Variants in SPDL1 observed in about 807,000 individuals in gnomAD.
The protein encoded by SPDL1 is spindle apparatus coiled-coil protein 1, also known as protein Spindly.
A neutral mutation model predicts 79.5 loss-of-function variants in SPDL1; 85 were observed. The ratio of observed to expected loss-of-function variants is 1.07; its 90% CI spans 0.90 to 1.28. The LOEUF is 1.28. SPDL1 is among the 50% of genes most tolerant of loss of function. The pLI is 0.00. For missense variants in SPDL1, 703 were observed against 697.8 expected, an observed-to-expected ratio of 1.01 and a Z score of -0.08; for synonymous variants, 269 against 240.3, an observed-to-expected ratio of 1.12 and a Z score of -1.10.
intron 3 of SPDL1, among the ~76,000 whole-genome samples, chr5:169,593,048 C>T (rs1035823167): frequency 6.6e-6 from 1 of 152,250 alleles, no homozygotes; most frequent in South Asian, 2.1e-4. Context: ...AGCCTTCTGA[C>T]CAGGTTGCTT....
intron 3 of SPDL1, 67 bp downstream of exon 3, chr5:169,591,291 T>C: frequency 6.6e-7 from 1 of 1,512,916 alleles, no homozygotes; most frequent in Non-Finnish European, 8.9e-7. Flanking sequence ...AAACTTTAGA[T>C]GATAAAGATT....
At chr5:169,593,250 A>G in intron 3 of SPDL1, 104 bp from the exon 4 acceptor site, 1 of 1,010,178 alleles carries the variant, frequency 9.9e-7, no homozygotes, top group South Asian at 1.8e-5. Context: ...AGGAAACTCC[A>G]ATAGTATCAT....
In SPDL1 at chr5:169,583,775, T is replaced by G. The variant is rs1754826410; in HGVS notation, c.-138T>G. On this transcript the variant is annotated 5_prime_UTR_variant, in exon 1 of 12. Transcript: ENST00000265295. ...GCATTCAAATATCCCAGGCGCTTAC[T>G]CGAGAGCTAGCTGAGCGAATGGGCC... 1 of 152,258 alleles carries G rather than the reference T, an allele frequency of 6.6e-6. No homozygotes were observed. The highest frequency in any genetic ancestry group is 2.4e-5 in the African/African-American group (1 of 41,468). The allele number at this position is 152,258 out of a possible 1,614,324, so 9.4% of individuals were successfully genotyped here.
chr5:169,596,064 A>G (rs1365990268), intron 7 of SPDL1: 1 of 152,470 alleles, frequency 6.6e-6, no homozygotes, highest in Non-Finnish European at 1.5e-5. Flanking sequence ...AAATTAAAAC[A>G]TGGTATATTG....
intron 3 of SPDL1, among the ~76,000 whole-genome samples, chr5:169,591,468 T>A (rs760236271): frequency 3.3e-5 from 5 of 152,164 alleles, no homozygotes; most frequent in Non-Finnish European, 7.4e-5. Context: ...TTTGTGAAGG[T>A]TTAGTTTAGT....
At chr5:169,601,821 T>C (rs911944052) in intron 11 of SPDL1, 196 bp downstream of exon 11, 2 of 679,692 alleles carry the variant, frequency 2.9e-6, no homozygotes, top group Non-Finnish European at 5.3e-6. Flanking sequence ...GAAAGGACTC[T>C]TGAATAAGGC....
At chr5:169,603,898 TTTTAGACAGCCAGTG>T (rs1756058203) in intron 11 of SPDL1, among the ~76,000 whole-genome samples, 147 bp from the exon 12 acceptor site, 1 of 152,126 alleles carries the variant, frequency 6.6e-6, no homozygotes, top group Non-Finnish European at 1.5e-5. Flanking sequence ...ATAAAAAGAC[TTTTAGACAGCCAGTG>T]ACTTAATATT....
intron 8 of SPDL1, among the ~76,000 whole-genome samples, chr5:169,597,933 A>G (rs1755675054): frequency 6.6e-6 from 1 of 152,044 alleles, no homozygotes; most frequent in South Asian, 2.1e-4. Context: ...ATAACCTGAA[A>G]TTGTTTCAAG....
intron 4 of SPDL1, 143 bp from the exon 5 acceptor site, chr5:169,594,002 A>G (rs1329878205): frequency 5.1e-6 from 3 of 583,738 alleles, no homozygotes; most frequent in Non-Finnish European, 8.5e-6. Flanking sequence ...AGTAATTTCT[A>G]TTATTTTAGA....
intron 8 of SPDL1, among the ~76,000 whole-genome samples, chr5:169,597,881 A>C (rs1371468946): frequency 5.3e-5 from 8 of 152,206 alleles, no homozygotes; most frequent in Admixed American, 4.6e-4. Context: ...GCTCAGAACT[A>C]TACTCTGAAA....
chr5:169,594,687 G>T lies in SPDL1; in HGVS notation c.891+6G>T. 6.3e-7 allele frequency: 1 copy of T among 1,592,850 alleles called. No individual in the cohort carries two copies. The highest frequency in any genetic ancestry group is 2.2e-5 in the East Asian group (1 of 44,690). On this transcript the variant is annotated splice_donor_region_variant and intron_variant, in intron 7 of 11. Coordinates refer to ENST00000265295, the MANE Select transcript of SPDL1 (RefSeq NM_017785.5). Reference sequence around the variant, plus strand: ...AACAGATGCAGAGAATGAAGGTATAGAACTTTCACTATCAAAGGTTTATTA... The same window carrying T: ...AACAGATGCAGAGAATGAAGGTATATAACTTTCACTATCAAAGGTTTATTA...
rs573399656 is a variant in SPDL1 at position 169,591,270 on chromosome 5, C to G, written c.336+46C>G. ...CAGCACAAAATATTCCATATTTATG[C>G]AGCCATCTGTAAACTTTAGATGATA... On this transcript the variant is annotated intron_variant, in intron 3 of 11. Coordinates refer to ENST00000265295, the MANE Select transcript of SPDL1 (RefSeq NM_017785.5). The G allele has an allele frequency of 2.1e-5, 33 of 1,569,974 alleles. No homozygotes were observed. The South Asian group carries it at 3.6e-4, about 17-fold the overall frequency.
At chr5:169,602,963 G>A (rs1756010657) in intron 11 of SPDL1, among the ~76,000 whole-genome samples, 1 of 152,124 alleles carries the variant, frequency 6.6e-6, no homozygotes, top group Non-Finnish European at 1.5e-5. Flanking sequence ...CTTGCTATCT[G>A]TATTGTCTTC....
chr5:169,599,211 TATATC>T (rs761632926), intron 10 of SPDL1, 52 bp downstream of exon 10: 2 of 1,150,524 alleles, frequency 1.7e-6, no homozygotes, highest in Non-Finnish European at 2.4e-6. Context: ...AACCTGAAAT[TATATC>T]AAATTATTTT....
intron 1 of SPDL1, among the ~76,000 whole-genome samples, chr5:169,585,217 G>C (rs1754930449): frequency 6.6e-6 from 1 of 152,092 alleles, no homozygotes; most frequent in African/African-American, 2.4e-5. Flanking sequence ...CCCAGATTAG[G>C]ACAGCTCCCC....
At chr5:169,603,997 G>A (rs953444624) in intron 11 of SPDL1, 63 bp from the exon 12 acceptor site, 10 of 1,526,774 alleles carry the variant, frequency 6.5e-6, no homozygotes, top group Non-Finnish European at 8.8e-6. Context: ...TATACTGGGG[G>A]TTTGTTTCTT....
In SPDL1 at chr5:169,589,482, C is replaced by T. The variant is rs188004176; in HGVS notation, c.159+907C>T. On this transcript the variant is annotated intron_variant, in intron 2 of 11. Coordinates refer to ENST00000265295, the MANE Select transcript of SPDL1 (RefSeq NM_017785.5). ...ATGTGACCTGACCCCTGCCAAGCTT[C>T]TGACCTCACCTCAAACTGCTTTGCC... 2.1e-3 allele frequency among the ~76,000 whole-genome samples: 314 copies of T among 152,172 alleles called. 2 individuals carry two copies. The highest frequency in any genetic ancestry group is 1.5e-3 in the Non-Finnish European group (100 of 68,014).
In SPDL1 at chr5:169,594,553, C is replaced by T. The variant is rs752014195; in HGVS notation, c.781-18C>T. The T allele has an allele frequency of 6.2e-7, 1 of 1,610,342 alleles. No homozygotes were observed. The highest frequency in any genetic ancestry group is 1.3e-5 in the African/African-American group (1 of 74,814). Reference sequence around the variant, plus strand: ...TTCATTTACTACCAGAACAATTAAGCATGTTAATATTTTGTAGGTGGAAGA... The same window carrying T: ...TTCATTTACTACCAGAACAATTAAGTATGTTAATATTTTGTAGGTGGAAGA... On this transcript the variant is annotated intron_variant, in intron 6 of 11. Transcript: ENST00000265295.
intron 8 of SPDL1, 125 bp downstream of exon 8, chr5:169,596,826 T>A: frequency 1.3e-6 from 1 of 752,962 alleles, no homozygotes; most frequent in Non-Finnish European, 2.0e-6. Flanking sequence ...ACTAAGTAAA[T>A]GGCTGTTTCT....
Sources: allele counts gnomAD v4.1 joint callset (sites outside exome capture counted in the v4.1 genomes callset), GRCh38; gene constraint gnomAD v4.1.1; transcripts MANE v1.5; gene names NCBI Gene and HGNC (gene_info 2026-07-23, HGNC 2026-07-21).